The following CCDC192 variants were observed in gnomAD, a reference collection of about 807,000 sequenced individuals.
CCDC192 encodes coiled-coil domain-containing protein 192.
In CCDC192 at chr5:127,891,487, T is replaced by C. The variant is rs56291686; in HGVS notation, c.535+15826T>C. ...TTCTCCTGATTGCTTTTTGTTAGAG[T>C]GGAAGAAGGGTCCCTCCTCCCATTT... On this transcript the variant is annotated intron_variant, in intron 6 of 6. Transcript: ENST00000514853. 4.6e-3 allele frequency among the ~76,000 whole-genome samples: 650 copies of C among 139,790 alleles called. 7 individuals are homozygous for C. Among genetic ancestry groups the C allele is most frequent in the African/African-American group, 0.017 (621 of 36,444 alleles). The allele number at this position is 139,790 out of a possible 152,430, so 91.7% of individuals were successfully genotyped here. A position where few individuals can be genotyped will look rare whatever the true frequency, so the allele number is the denominator to read the frequency against.
intron 5 of CCDC192, among the ~76,000 whole-genome samples, chr5:127,868,730 C>G (rs1751717127): frequency 6.6e-6 from 1 of 151,612 alleles, no homozygotes; most frequent in African/African-American, 2.4e-5. Context: ...CCAAAAAATA[C>G]AAAAATTTGC....
At chr5:127,729,275 C>T (rs550467292) in intron 2 of CCDC192, among the ~76,000 whole-genome samples, 2 of 152,288 alleles carry the variant, frequency 1.3e-5, no homozygotes, top group African/African-American at 4.8e-5. Flanking sequence ...AAGGGCATTA[C>T]ATAATGGTAA....
At chr5:127,793,270 G>C (rs1756985320) in intron 3 of CCDC192, among the ~76,000 whole-genome samples, 1 of 152,186 alleles carries the variant, frequency 6.6e-6, no homozygotes, top group Non-Finnish European at 1.5e-5. Context: ...AGCTGAACAT[G>C]AGTTAAATAT....
intron 6 of CCDC192, among the ~76,000 whole-genome samples, chr5:127,878,295 A>C (rs997813394): frequency 6.6e-5 from 10 of 152,224 alleles, no homozygotes; most frequent in Non-Finnish European, 1.3e-4. Flanking sequence ...GATATGAACC[A>C]ATCTTTGTGG....
At chr5:127,734,699 G>C (rs1752865374) in intron 2 of CCDC192, among the ~76,000 whole-genome samples, 1 of 146,720 alleles carries the variant, frequency 6.8e-6, no homozygotes, top group African/African-American at 2.6e-5. Flanking sequence ...ATTTTTTCAT[G>C]TGTTTTTTGG....
At chr5:127,890,113 C>T (rs1163829019) in intron 6 of CCDC192, among the ~76,000 whole-genome samples, 1 of 152,072 alleles carries the variant, frequency 6.6e-6, no homozygotes, top group Non-Finnish European at 1.5e-5. Flanking sequence ...GTGGCTCACA[C>T]TTGTAATCCC....
At chr5:127,910,672 T>C (rs1753321667) in intron 6 of CCDC192, among the ~76,000 whole-genome samples, 1 of 152,174 alleles carries the variant, frequency 6.6e-6, no homozygotes, top group East Asian at 1.9e-4. Context: ...TGGAGATTTC[T>C]TTTCCCATGC....
chr5:127,755,835 C>G (rs909264426), intron 3 of CCDC192, among the ~76,000 whole-genome samples: 1 of 150,016 alleles, frequency 6.7e-6, no homozygotes, highest in Admixed American at 6.6e-5. Context: ...TTAATGATTT[C>G]TCGTTTGAAT....
Position 127,795,582 on chromosome 5 carries a change from T to C in CCDC192, c.223-1521T>C, listed in dbSNP as rs538681639. Among the ~76,000 whole-genome samples the C allele has an allele frequency of 6.6e-5, 10 of 151,848 alleles. No homozygotes were observed. In the East Asian group the frequency reaches 1.4e-3, roughly 21 times the overall value. On this transcript the variant is annotated intron_variant, in intron 3 of 6. Transcript: ENST00000514853. The stretch of plus-strand genomic sequence containing the variant: ...ATCACACAGATAGTAAACAGCAAAA[T>C]TGAGATTTTTTTTTTTAAGACAGAG...
chr5:127,803,866 T>C (rs1326110149), intron 5 of CCDC192, among the ~76,000 whole-genome samples: 1 of 152,190 alleles, frequency 6.6e-6, no homozygotes, highest in Non-Finnish European at 1.5e-5. Flanking sequence ...GTTTGATACA[T>C]TTCATAATAA....
chr5:127,709,102 G>GGAGAGAGA (rs540628735), intron 2 of CCDC192, among the ~76,000 whole-genome samples: 1 of 57,360 alleles, frequency 1.7e-5, no homozygotes, highest in Non-Finnish European at 4.0e-5. Flanking sequence ...AGTGGGAGCA[G>GGAGAGAGA]GAGAGAGAGA....
chr5:127,751,546 C>G (rs1754173750), intron 2 of CCDC192, among the ~76,000 whole-genome samples: 1 of 152,126 alleles, frequency 6.6e-6, no homozygotes, highest in South Asian at 2.1e-4. Context: ...CTGCCCTTAA[C>G]ATTTTTTCCT....
chr5:127,725,048 A>G (rs1752242911), intron 2 of CCDC192, among the ~76,000 whole-genome samples: 2 of 152,214 alleles, frequency 1.3e-5, no homozygotes, highest in Admixed American at 6.5e-5. Flanking sequence ...AAATTTTAAT[A>G]AAAGTTAAAC....
At chr5:127,719,456 CATATATATACAGACACATACATATATAT>C (rs1751836887) in intron 2 of CCDC192, among the ~76,000 whole-genome samples, 1 of 133,586 alleles carries the variant, frequency 7.5e-6, no homozygotes, top group African/African-American at 3.0e-5. Flanking sequence ...TATATACATA[CATATATATACAGACACATACATATATAT>C]ATATATATAT....
chr5:127,816,784 G>T (rs1014288317), intron 5 of CCDC192, among the ~76,000 whole-genome samples: 1 of 152,232 alleles, frequency 6.6e-6, no homozygotes, highest in Non-Finnish European at 1.5e-5. Context: ...AGGTCTCAAG[G>T]TGGGGAAATA....
At chr5:127,718,914 ACT>A (rs1420965105) in intron 2 of CCDC192, among the ~76,000 whole-genome samples, 2 of 151,938 alleles carry the variant, frequency 1.3e-5, no homozygotes, top group East Asian at 3.9e-4. Context: ...ATCCAATTAT[ACT>A]CTTTTAGTTA....
At chr5:127,712,610 G>T (rs1751401802) in intron 2 of CCDC192, among the ~76,000 whole-genome samples, 1 of 152,156 alleles carries the variant, frequency 6.6e-6, no homozygotes, top group African/African-American at 2.4e-5. Flanking sequence ...CCAAGCCTCA[G>T]ATATTCTTTT....
intron 3 of CCDC192, among the ~76,000 whole-genome samples, chr5:127,759,567 A>T (rs1377777654): frequency 6.6e-6 from 1 of 152,160 alleles, no homozygotes; most frequent in Non-Finnish European, 1.5e-5. Context: ...AGAAATTCCC[A>T]TTGTTTATAT....
At position 127,892,022 on chromosome 5, in the gene CCDC192, C is replaced by CT. The variant is rs201109082; in HGVS notation, c.535+16369dup. 2.8e-3 allele frequency among the ~76,000 whole-genome samples: 420 copies of CT among 152,036 alleles called. 4 individuals are homozygous for CT. The highest frequency in any genetic ancestry group is 9.6e-3 in the African/African-American group (400 of 41,458). On this transcript the variant is annotated intron_variant, in intron 6 of 6. Coordinates refer to ENST00000514853, the MANE Select transcript of CCDC192 (RefSeq NM_001317938.2). ...GCATAAAGACAGGCAGAAGTACTGT[C>CT]TTTTTTTTATCAGAGTACTATTGGG...
Sources: allele counts gnomAD v4.1 joint callset (sites outside exome capture counted in the v4.1 genomes callset), GRCh38; gene constraint gnomAD v4.1.1; transcripts MANE v1.5; gene names NCBI Gene and HGNC (gene_info 2026-07-23, HGNC 2026-07-21).